The following TEX9 variants were observed in gnomAD, a reference collection of about 807,000 sequenced individuals.
The protein encoded by TEX9 is testis-expressed protein 9.
Under a neutral mutation model 59.6 loss-of-function variants are expected in TEX9, and 74 were observed. That is an observed-to-expected ratio of 1.24 (90% CI 1.03 to 1.51). The LOEUF (loss-of-function observed/expected upper bound fraction) is 1.51, where lower values mean the gene tolerates loss of function less well. Ranked by LOEUF, TEX9 falls within the 40% of genes most tolerant of loss-of-function variation. TEX9 has a pLI of 0.00. For synonymous variants in TEX9, 186 were observed against 152.2 expected (o/e 1.22, Z -1.64); for missense variants, 522 against 447.8 (o/e 1.17, Z -1.49).
intron 1 of TEX9, among the ~76,000 whole-genome samples, chr15:56,320,440 A>T (rs577198952): frequency 2.6e-5 from 4 of 152,220 alleles, no homozygotes; most frequent in Non-Finnish European, 5.9e-5. Flanking sequence ...CTTCCTTTTT[A>T]CTATGTCCTT....
At position 56,301,099 on chromosome 15, in the gene TEX9, A is replaced by G. The variant is rs10162917; in HGVS notation, c.-107+56821A>G. Among the ~76,000 whole-genome samples, 916 of 152,316 alleles carry G rather than the reference A, an allele frequency of 6.0e-3. 8 individuals carry two copies. The highest frequency in any genetic ancestry group is 0.021 in the African/African-American group (872 of 41,566). On this transcript the variant is annotated intron_variant, in intron 1 of 5. Coordinates refer to the TEX9 transcript ENST00000560827. ...AAAATAGCTTTTTTGAGAAAGCTCA[A>G]TGAAATTTAAGATAATACAGAGAAG...
chr15:56,391,362 G>A, exon 7 of TEX9: 1 of 1,590,274 alleles, frequency 6.3e-7, no homozygotes, highest in Non-Finnish European at 8.6e-7. Flanking sequence ...GAGGAAGAAG[G>A]CTTACCTGAA....
chr15:56,310,937 A>T (rs2045596623), intron 1 of TEX9, among the ~76,000 whole-genome samples: 1 of 152,072 alleles, frequency 6.6e-6, no homozygotes, highest in South Asian at 2.1e-4. Flanking sequence ...TTGCAGAGAG[A>T]GGTTGCTCTG....
At chr15:56,389,424 T>C (rs1567116272) in intron 6 of TEX9, 24 bp downstream of exon 6, 1 of 1,529,860 alleles carries the variant, frequency 6.5e-7, no homozygotes, top group Non-Finnish European at 9.0e-7. Flanking sequence ...TTCAAAGTAT[T>C]TCTTTTTTTT....
At chr15:56,380,782 CT>C (rs1406369081) in intron 3 of TEX9, among the ~76,000 whole-genome samples, 1 of 152,160 alleles carries the variant, frequency 6.6e-6, no homozygotes, top group East Asian at 1.9e-4. Context: ...GAGAAGTCTG[CT>C]GCTAGATGTA....
chr15:56,427,798 T>C (rs1286771754), intron 11 of TEX9, 59 bp downstream of exon 11: 1 of 1,338,950 alleles, frequency 7.5e-7, no homozygotes, highest in African/African-American at 1.5e-5. Context: ...ACTAAAAAAT[T>C]TAGCATTTTT....
chr15:56,328,734 C>G (rs1295145266), intron 1 of TEX9, among the ~76,000 whole-genome samples: 1 of 152,130 alleles, frequency 6.6e-6, no homozygotes, highest in African/African-American at 2.4e-5. Flanking sequence ...AGTACTGGGT[C>G]TCATGGTTTG....
intron 1 of TEX9, among the ~76,000 whole-genome samples, chr15:56,290,450 C>T (rs902155961): frequency 1.3e-5 from 2 of 148,160 alleles, no homozygotes; most frequent in Non-Finnish European, 3.0e-5. Flanking sequence ...GCAAGCCCTG[C>T]CCCCCCCAGT....
intron 1 of TEX9, among the ~76,000 whole-genome samples, chr15:56,346,244 G>A (rs1192592337): frequency 2.0e-5 from 3 of 152,178 alleles, no homozygotes; most frequent in African/African-American, 7.2e-5. Context: ...CCTCAGAGAG[G>A]CAGGAGAGAA....
intron 1 of TEX9, among the ~76,000 whole-genome samples, chr15:56,358,790 G>C (rs1339791329): frequency 1.3e-5 from 2 of 152,132 alleles, no homozygotes; most frequent in Non-Finnish European, 1.5e-5. Flanking sequence ...TGAATCATGG[G>C]AGTGGTGTCC....
chr15:56,365,546 C>T (rs1216858715), intron 1 of TEX9, 33 bp from the exon 2 acceptor site: 2 of 1,614,222 alleles, frequency 1.2e-6, no homozygotes, highest in East Asian at 2.2e-5. Flanking sequence ...CTTCCTTTAA[C>T]TTCGGGTCTG....
At chr15:56,443,339 G>T in intron 12 of TEX9, 1 of 912,490 alleles carries the variant, frequency 1.1e-6, no homozygotes, top group Admixed American at 3.3e-5. Context: ...TTACCAGTAT[G>T]GTTGGATTTA....
chr15:56,326,505 A>G (rs940498274), intron 1 of TEX9, among the ~76,000 whole-genome samples: 1 of 152,204 alleles, frequency 6.6e-6, no homozygotes, highest in African/African-American at 2.4e-5. Flanking sequence ...ATTTTTAGAA[A>G]TATTTAGAAA....
At chr15:56,393,924 T>C (rs2048331508) in intron 7 of TEX9, 1 of 310,476 alleles carries the variant, frequency 3.2e-6, no homozygotes, top group African/African-American at 2.2e-5. Context: ...CCCTGGTGCG[T>C]GTGAATTTAG....
intron 1 of TEX9, among the ~76,000 whole-genome samples, chr15:56,315,520 G>T (rs185375671): frequency 2.8e-4 from 42 of 150,702 alleles, no homozygotes; most frequent in African/African-American, 9.7e-4. Context: ...CGAGAGATCC[G>T]CTGTTAGTCT....
At chr15:56,257,163 T>C (rs943353247) in intron 1 of TEX9, among the ~76,000 whole-genome samples, 1 of 152,138 alleles carries the variant, frequency 6.6e-6, no homozygotes, top group African/African-American at 2.4e-5. Context: ...GTATATGTAC[T>C]ACATTTTCTT....
intron 12 of TEX9, chr15:56,444,762 A>G: frequency 8.8e-7 from 1 of 1,133,756 alleles, no homozygotes; most frequent in Non-Finnish European, 1.3e-6. Flanking sequence ...GAATATTATA[A>G]AGTCTTTTAC....
intron 1 of TEX9, among the ~76,000 whole-genome samples, chr15:56,255,059 TAAA>T (rs1237814984): frequency 4.6e-5 from 7 of 152,180 alleles, no homozygotes; most frequent in Non-Finnish European, 7.4e-5. Context: ...GACATATATT[TAAA>T]ATTAATAGCA....
intron 3 of TEX9, among the ~76,000 whole-genome samples, chr15:56,381,684 C>T (rs2047731952): frequency 6.6e-6 from 1 of 152,192 alleles, no homozygotes; most frequent in Admixed American, 6.5e-5. Flanking sequence ...CGTTCTCTTC[C>T]TTTATTTTCT....
Sources: gnomAD v4.1 joint callset for allele counts (sites outside exome capture counted in the v4.1 genomes callset) on GRCh38, gnomAD v4.1.1 for gene constraint, MANE v1.5 for transcripts, NCBI Gene and HGNC (gene_info 2026-07-23, HGNC 2026-07-21) for gene names.